The following CCDC14 variants were observed in gnomAD, a reference collection of about 807,000 sequenced individuals.
CCDC14 encodes coiled-coil domain-containing protein 14.
In CCDC14, 71 loss-of-function variants were observed where a neutral mutation model predicts 81.4. The observed-to-expected ratio is 0.87, with a 90% confidence interval of 0.72 to 1.06. The LOEUF is 1.06. CCDC14 is among the 50% of genes least tolerant of loss of function. The pLI is 0.00. For missense variants in CCDC14, 1,046 were observed against 1,047.3 expected (o/e 1.00, Z 0.02); for synonymous variants, 332 against 364.8 (o/e 0.91, Z 1.03).
the CCDC14 span, among the ~76,000 whole-genome samples, chr3:123,888,088 C>T: frequency 1.0e-3 from 157 of 151,968 alleles, 3 homozygotes; most frequent in East Asian, 0.024. Flanking sequence ...AAAAATAAAA[C>T]GTTTAATTCT....
chr3:123,949,141 GA>G lies in CCDC14; in HGVS notation c.353-10del, dbSNP rs1190254968. 2 of 1,527,180 alleles carry G rather than the reference GA, an allele frequency of 1.3e-6. No homozygotes were observed. Among genetic ancestry groups the G allele is most frequent in the African/African-American group, 2.8e-5 (2 of 72,594 alleles). 94.6% of individuals were successfully genotyped at this position (1,527,180 alleles called of 1,614,324 possible). On this transcript the variant is annotated splice_polypyrimidine_tract_variant and intron_variant, in intron 5 of 12. Coordinates refer to ENST00000409697, the MANE Select transcript of CCDC14 (RefSeq NM_001366335.1). ...CTTATTATCTGAAGATGCTAATGTGGAAGAAGAAAAAAGTTCTTGAAATATG... is the reference window on the plus strand; with the variant it reads ...CTTATTATCTGAAGATGCTAATGTGGAGAAGAAAAAAGTTCTTGAAATATG...
rs573522593 is a variant in CCDC14, at chr3:123,938,281, G to A, written c.1344-4526C>T. Among the ~76,000 whole-genome samples, 69 of 151,886 alleles carry A rather than the reference G, an allele frequency of 4.5e-4. 1 individual carries two copies. In the South Asian group the frequency reaches 0.014, roughly 31 times the overall value. ...ATCTGGTTTATCTCTCACTTATACT[G>A]ATCTTTAATTTCTCTCAGCAATATT... On this transcript the variant is annotated intron_variant, in intron 9 of 12. Coordinates refer to ENST00000409697, the MANE Select transcript of CCDC14 (RefSeq NM_001366335.1).
chr3:123,896,263 G>A (rs1223239149), downstream of CCDC14, among the ~76,000 whole-genome samples: 4 of 152,084 alleles, frequency 2.6e-5, no homozygotes, highest in African/African-American at 7.2e-5. Context: ...GTGATTCCCC[G>A]GACTGCCCTG....
chr3:123,920,056 G>A (rs952961803), intron 12 of CCDC14, among the ~76,000 whole-genome samples: 2 of 151,922 alleles, frequency 1.3e-5, no homozygotes, highest in African/African-American at 4.8e-5. Context: ...GTTTGACAAA[G>A]AAATAGAAAC....
At chr3:123,917,018 AT>A (rs1253049946) in intron 12 of CCDC14, among the ~76,000 whole-genome samples, 1 of 151,216 alleles carries the variant, frequency 6.6e-6, no homozygotes, top group East Asian at 2.0e-4. Flanking sequence ...ATTTTTCTGT[AT>A]TTTTTAGTAG....
chr3:123,887,492 A>AAAC, the CCDC14 span, among the ~76,000 whole-genome samples: 1 of 151,138 alleles, frequency 6.6e-6, no homozygotes, highest in South Asian at 2.1e-4. Flanking sequence ...AAAAAAAAAA[A>AAAC]CACAAAATAA....
rs200496498 is a variant in CCDC14, at chr3:123,915,438, T to A, written c.2059A>T (p.Asn687Tyr). The change falls in exon 13 of 13, where the codon AAT becomes TAT. Residue 687 changes from asparagine (N) to tyrosine (Y), a missense_variant. Asn to Tyr is a moderately radical substitution (Grantham distance 143). Coordinates refer to ENST00000409697, the MANE Select transcript of CCDC14 (RefSeq NM_001366335.1). ...TCCTCCATGCCCCTAGTGTTACTAT[T>A]TTGAGGGCCTCTGGAGGACAGAACA... ...ENVLSSRGPQNSNTRGMEEAS... is the reference protein window; with the variant it reads ...ENVLSSRGPQYSNTRGMEEAS... The A allele has an allele frequency of 2.5e-6, 4 of 1,614,050 alleles. No homozygotes were observed. Among genetic ancestry groups the A allele is most frequent in the South Asian group, 1.1e-5 (1 of 91,082 alleles).
chr3:123,931,224 T>G lies in CCDC14; in HGVS notation c.1656A>C (p.Glu552Asp). The G allele has an allele frequency of 6.3e-7, 1 of 1,599,872 alleles. No individual in the cohort carries two copies. Among genetic ancestry groups the G allele is most frequent in the Non-Finnish European group, 8.5e-7 (1 of 1,176,082 alleles). ...GGGAGCTTTTCACATTGACTAGGGC[T>G]TCCTCCAATTCTAAAACAACAAAAG... ...EITRIKIELE[E>D]ALVNVKSSQF... is the part of the protein sequence containing the mutation. The change falls in exon 12 of 13, where the codon GAA (glutamate) becomes GAC (aspartate). Residue 552 changes from glutamate (E) to aspartate (D), a missense_variant. Transcript: ENST00000409697.
intron 12 of CCDC14, among the ~76,000 whole-genome samples, chr3:123,918,215 C>G (rs1219446880): frequency 1.3e-5 from 2 of 152,176 alleles, no homozygotes; most frequent in African/African-American, 4.8e-5. Context: ...TCCTACAAAA[C>G]TAAAAACAAA....
At chr3:123,901,681 A>C (rs2682247) in intron 5 of CCDC14, among the ~76,000 whole-genome samples, 5,943 of 152,284 alleles carry the variant, frequency 0.039, 390 homozygotes, top group African/African-American at 0.13. Context: ...TTTATAAATC[A>C]CTTTTTTGGT....
At chr3:123,952,901 A>C (rs958881990) in intron 5 of CCDC14, 4 of 207,982 alleles carry the variant, frequency 1.9e-5, no homozygotes, top group Admixed American at 9.7e-5. Context: ...CCAACCACAC[A>C]CACACACAAC....
chr3:123,920,656 A>G lies in CCDC14; in HGVS notation c.1779-4938T>C, dbSNP rs187549443. Among the ~76,000 whole-genome samples, 204 of 152,352 alleles carry G rather than the reference A, an allele frequency of 1.3e-3. 1 individual carries two copies. The highest frequency in any genetic ancestry group is 4.7e-3 in the African/African-American group (197 of 41,594). On this transcript the variant is annotated intron_variant, in intron 12 of 12. Transcript: ENST00000409697. ...TCCCAGACAAATGCTAAGGGAGTTC[A>G]TCCTCAGTAGGCCTATCTTACAAGA... is the stretch of plus-strand genomic sequence containing the variant.
chr3:123,889,942 G>A, the CCDC14 span, among the ~76,000 whole-genome samples: 4 of 152,140 alleles, frequency 2.6e-5, no homozygotes, highest in Non-Finnish European at 5.9e-5. Context: ...AAAGATATAC[G>A]TGAGACTGGG....
intron 12 of CCDC14, among the ~76,000 whole-genome samples, chr3:123,927,403 C>G (rs143935671): frequency 2.0e-5 from 3 of 152,050 alleles, no homozygotes; most frequent in African/African-American, 7.2e-5. Context: ...GGTGACAGAG[C>G]GAGATTCTGC....
At chr3:123,885,489 T>A in the CCDC14 span, among the ~76,000 whole-genome samples, 2 of 151,552 alleles carry the variant, frequency 1.3e-5, no homozygotes, top group African/African-American at 4.8e-5. Context: ...TTTTTTTTTT[T>A]AATTTGATTT....
At chr3:123,930,262 T>C (rs1385389013) in intron 12 of CCDC14, among the ~76,000 whole-genome samples, 1 of 152,228 alleles carries the variant, frequency 6.6e-6, no homozygotes, top group Non-Finnish European at 1.5e-5. Flanking sequence ...CCTACAAGTT[T>C]ATCATTCAAA....
At position 123,951,398 on chromosome 3, in the gene CCDC14, C is replaced by T. The variant is rs1417716726; in HGVS notation, c.353-2266G>A. On this transcript the variant is annotated intron_variant, in intron 5 of 12. Coordinates refer to ENST00000409697, the MANE Select transcript of CCDC14 (RefSeq NM_001366335.1). ...TAAAATCAAAAGTAATAAGAGTTAC[C>T]TTCACTATCTGATCAGCTCAAACAA... Among the ~76,000 whole-genome samples, 3 of 152,262 alleles carry T rather than the reference C, an allele frequency of 2.0e-5. No individual in the cohort carries two copies. In the East Asian group the frequency reaches 5.8e-4, roughly 29 times the overall value.
chr3:123,944,418 A>T (rs2036520677), intron 9 of CCDC14, among the ~76,000 whole-genome samples: 1 of 152,110 alleles, frequency 6.6e-6, no homozygotes, highest in African/African-American at 2.4e-5. Flanking sequence ...ACACATACTG[A>T]GACAGTGGCT....
chr3:123,918,331 T>C (rs978539968), intron 12 of CCDC14, among the ~76,000 whole-genome samples: 9 of 152,236 alleles, frequency 5.9e-5, no homozygotes, highest in Non-Finnish European at 4.4e-5. Flanking sequence ...ATATCTCTAT[T>C]TTTAAAAAAT....
Sources: gnomAD v4.1 joint callset for allele counts (sites outside exome capture counted in the v4.1 genomes callset) on GRCh38, gnomAD v4.1.1 for gene constraint, MANE v1.5 for transcripts, NCBI Gene and HGNC (gene_info 2026-07-23, HGNC 2026-07-21) for gene names.